The following EDF1 variants were observed in gnomAD, a reference collection of about 807,000 sequenced individuals.
The protein encoded by EDF1 is endothelial differentiation-related factor 1.
A neutral mutation model predicts 20.8 loss-of-function variants in EDF1; 5 were observed. The observed-to-expected ratio is 0.24, with a 90% CI of 0.13 to 0.51. The LOEUF (loss-of-function observed/expected upper bound fraction) is 0.51, where lower values mean the gene tolerates loss of function less well. Ranked by LOEUF, EDF1 falls within the 20% of genes least tolerant of loss-of-function variation. EDF1 has a pLI of 0.97. For synonymous variants in EDF1, 96 were observed against 78.5 expected (o/e 1.22, Z -1.18); for missense variants, 137 against 197.8 (o/e 0.69, Z 1.84).
chr9:136,863,917 T>TA lies in EDF1; in HGVS notation c.79-47dup, dbSNP rs776479365. The TA allele has an allele frequency of 1.2e-6, 2 of 1,603,378 alleles. No individual in the cohort carries two copies. Among genetic ancestry groups the TA allele is most frequent in the South Asian group, 2.2e-5 (2 of 90,882 alleles). ...AGTGGATCAAAATTAGCTTTGACAG[T>TA]ATCCAGCACACACCAATTCAGGCCT... On this transcript the variant is annotated intron_variant, in intron 1 of 4. Transcript: ENST00000224073. The surrounding 1 kb of genome is among the most constrained non-coding windows in gnomAD (Gnocchi z 4.5).
Position 136,866,229 on chromosome 9 carries a change from C to A in EDF1, c.30G>T (p.Thr10=). ...CCGTAGGGCCCTTCTTGCGCAGCAC[C>A]GTCACCGTGTCCCAGTCGCTCTCGG... The part of the protein sequence containing the change: MAESDWDTV[T]VLRKKGPTAA... The change falls in exon 1 of 5, where the codon ACG becomes ACT. Residue 10 remains threonine, a synonymous_variant. Transcript: ENST00000224073. The A allele has an allele frequency of 6.2e-7, 1 of 1,601,206 alleles. No individual in the cohort carries two copies. The highest frequency in any genetic ancestry group is 1.4e-5 in the African/African-American group (1 of 72,802).
Position 136,862,798 on chromosome 9 carries a change from G to A in EDF1, c.385+108C>T. The stretch of plus-strand genomic sequence containing the variant: ...AAGCTCCAGAATTCAGAGAACAGGG[G>A]ACCCCCAGGGCCATCTTCTTCCCCC... On this transcript the variant is annotated intron_variant, in intron 4 of 4. Transcript: ENST00000224073. This position sits in a 1 kb window ranked among gnomAD's most constrained non-coding sequence, Gnocchi z 4.1. 6.2e-7 allele frequency: 1 copy of A among 1,608,636 alleles called. No homozygotes were observed. Among genetic ancestry groups the A allele is most frequent in the Non-Finnish European group, 8.5e-7 (1 of 1,178,758 alleles).
rs1486218394 is a variant in EDF1 at position 136,862,383 on chromosome 9, G to C, written c.386-38C>G. On this transcript the variant is annotated intron_variant, in intron 4 of 4. Coordinates refer to ENST00000224073, the MANE Select transcript of EDF1 (RefSeq NM_003792.4). The surrounding 1 kb of genome is among the most constrained non-coding windows in gnomAD (Gnocchi z 4.1). ...ACAGCCACTGGCCACTGCAGCACCAGCTCCCTCCTCCCCCCAACGCTGCCC... is the reference window on the plus strand; with the variant it reads ...ACAGCCACTGGCCACTGCAGCACCACCTCCCTCCTCCCCCCAACGCTGCCC... 2 of 1,613,998 alleles carry C rather than the reference G, an allele frequency of 1.2e-6. No homozygotes were observed. The highest frequency in any genetic ancestry group is 1.7e-6 in the Non-Finnish European group (2 of 1,180,014).
chr9:136,864,959 C>T (rs1849185501), intron 1 of EDF1, among the ~76,000 whole-genome samples: 1 of 152,218 alleles, frequency 6.6e-6, no homozygotes, highest in African/African-American at 2.4e-5. Flanking sequence ...ACTTGTGGAG[C>T]ATCCTAAGTG....
intron 1 of EDF1, 151 bp downstream of exon 1, chr9:136,866,030 G>A (rs1208555818): frequency 1.4e-5 from 3 of 218,184 alleles, no homozygotes; most frequent in Non-Finnish European, 1.8e-5. Flanking sequence ...TTCGAACCCC[G>A]TCCTGCCCCC....
rs995886087 is a variant in EDF1 at position 136,863,195 on chromosome 9, G to C, written c.291+93C>G. The C allele has an allele frequency of 2.6e-6, 4 of 1,550,194 alleles. No homozygotes were observed. The highest frequency in any genetic ancestry group is 2.4e-5 in the South Asian group (2 of 84,024). ...GCATTCCCTGCAGGGGAACCAGGGG[G>C]GTGGAGCCCACCCTCCCCGTGCTAT... is the stretch of plus-strand genomic sequence containing the variant. On this transcript the variant is annotated intron_variant, in intron 3 of 4. Coordinates refer to ENST00000224073, the MANE Select transcript of EDF1 (RefSeq NM_003792.4). This position sits in a 1 kb window ranked among gnomAD's most constrained non-coding sequence, Gnocchi z 4.5.
In EDF1 at chr9:136,863,884, A is replaced by G. The variant is rs1207682776; in HGVS notation, c.79-13T>C. 1 of 1,613,750 alleles carries G rather than the reference A, an allele frequency of 6.2e-7. No individual in the cohort carries two copies. Among genetic ancestry groups the G allele is most frequent in the Middle Eastern group, 1.6e-4 (1 of 6,062 alleles). On this transcript the variant is annotated splice_polypyrimidine_tract_variant and intron_variant, in intron 1 of 4. Transcript: ENST00000224073. The surrounding 1 kb of genome is among the most constrained non-coding windows in gnomAD (Gnocchi z 4.5). ...CCGCTAAGATAGCCTAGAAAATTAGAAAACATCAGTGGATCAAAATTAGCT... is the reference window on the plus strand; with the variant it reads ...CCGCTAAGATAGCCTAGAAAATTAGGAAACATCAGTGGATCAAAATTAGCT...
intron 1 of EDF1, 62 bp downstream of exon 1, chr9:136,866,119 T>A: frequency 6.6e-7 from 1 of 1,516,582 alleles, no homozygotes; most frequent in Non-Finnish European, 8.9e-7. Context: ...TGCCCCACGG[T>A]CCGTGGCCCC....
At position 136,862,825 on chromosome 9, in the gene EDF1, A is replaced by G; in HGVS notation, c.385+81T>C. The G allele has an allele frequency of 6.2e-7, 1 of 1,611,110 alleles. No homozygotes were observed. The highest frequency in any genetic ancestry group is 8.5e-7 in the Non-Finnish European group (1 of 1,179,700). On this transcript the variant is annotated intron_variant, in intron 4 of 4. Coordinates refer to ENST00000224073, the MANE Select transcript of EDF1 (RefSeq NM_003792.4). This position sits in a 1 kb window ranked among gnomAD's most constrained non-coding sequence, Gnocchi z 4.1. ...CCCCCAGGGCCATCTTCTTCCCCCG[A>G]GTCCCACTCTCACCAACCCCAGCTG...
rs1849154403 is a variant in EDF1, at chr9:136,863,575, C to T, written c.131-127G>A. The T allele has an allele frequency of 2.3e-6, 3 of 1,277,606 alleles. No homozygotes were observed. Among genetic ancestry groups the T allele is most frequent in the African/African-American group, 3.0e-5 (2 of 66,890 alleles). The allele number at this position is 1,277,606 out of a possible 1,614,324, so 79.1% of individuals were successfully genotyped here. A position where few individuals can be genotyped will look rare whatever the true frequency, so the allele number is the denominator to read the frequency against. ...AAGGGGACATGGGAACCCAGGCTGT[C>T]CCAAGTTCACACACCTCAGGTCGTG... On this transcript the variant is annotated intron_variant, in intron 2 of 4. Transcript: ENST00000224073. This position sits in a 1 kb window ranked among gnomAD's most constrained non-coding sequence, Gnocchi z 4.5.
Position 136,862,518 on chromosome 9 carries a change from C to G in EDF1, c.386-173G>C. 6.2e-7 allele frequency: 1 copy of G among 1,609,234 alleles called. No homozygotes were observed. The highest frequency in any genetic ancestry group is 8.5e-7 in the Non-Finnish European group (1 of 1,179,686). ...ACATCTAATTTTGAAGAGGATGAGT[C>G]TGATCACCTTAGACAGCAGAGCATG... On this transcript the variant is annotated intron_variant, in intron 4 of 4. Transcript: ENST00000224073. The surrounding 1 kb of genome is among the most constrained non-coding windows in gnomAD (Gnocchi z 4.1).
In EDF1 at chr9:136,863,102, T is replaced by A. The variant is rs1849140626; in HGVS notation, c.292-103A>T. The stretch of plus-strand genomic sequence containing the variant: ...ACAGCAGCTTCTAGGGCCCCTGGGG[T>A]ACGCACCCACACGCAGCTGGGTTTT... On this transcript the variant is annotated intron_variant, in intron 3 of 4. Coordinates refer to ENST00000224073, the MANE Select transcript of EDF1 (RefSeq NM_003792.4). The surrounding 1 kb of genome is among the most constrained non-coding windows in gnomAD (Gnocchi z 4.5). 2.6e-6 allele frequency: 4 copies of A among 1,542,900 alleles called. No homozygotes were observed. In the African/African-American group the frequency reaches 5.5e-5, roughly 21 times the overall value.
intron 1 of EDF1, among the ~76,000 whole-genome samples, chr9:136,864,089 T>C (rs1283623156): frequency 6.6e-6 from 1 of 152,088 alleles, no homozygotes; most frequent in African/African-American, 2.4e-5. Context: ...GCAGGATCAC[T>C]TGAGGCCACG....
intron 1 of EDF1, among the ~76,000 whole-genome samples, 192 bp downstream of exon 1, chr9:136,865,989 G>A (rs1345464820): frequency 1.9e-5 from 1 of 52,838 alleles, no homozygotes; most frequent in African/African-American, 7.8e-5. Context: ...GTCCTGGCCC[G>A]GTCCTCCTAC....
Position 136,862,495 on chromosome 9 carries a change from A to G in EDF1, c.386-150T>C, listed in dbSNP as rs1375359801. The G allele has an allele frequency of 6.2e-6, 10 of 1,611,882 alleles. No individual in the cohort carries two copies. Among genetic ancestry groups the G allele is most frequent in the East Asian group, 2.2e-5 (1 of 44,876 alleles). ...GCACACGAGCACTCCTGGTTCCCACATCTAATTTTGAAGAGGATGAGTCTG... is the reference window on the plus strand; with the variant it reads ...GCACACGAGCACTCCTGGTTCCCACGTCTAATTTTGAAGAGGATGAGTCTG... On this transcript the variant is annotated intron_variant, in intron 4 of 4. Transcript: ENST00000224073. This position sits in a 1 kb window ranked among gnomAD's most constrained non-coding sequence, Gnocchi z 4.1.
At position 136,866,246 on chromosome 9, in the gene EDF1, C is replaced by A. The variant is rs1316468354; in HGVS notation, c.13G>T (p.Asp5Tyr). MAES[D>Y]WDTVTVLRKK... is the part of the protein sequence containing the mutation. ...CGCAGCACCGTCACCGTGTCCCAGTCGCTCTCGGCCATGGCGGGCGAAGAC... is the reference window on the plus strand; with the variant it reads ...CGCAGCACCGTCACCGTGTCCCAGTAGCTCTCGGCCATGGCGGGCGAAGAC... Residue 5 changes from aspartate (D) to tyrosine (Y), a missense_variant, in exon 1 of 5, where the codon GAC becomes TAC. By Grantham distance (160) the Asp-to-Tyr change is radical. Transcript: ENST00000224073. 2 of 1,599,250 alleles carry A rather than the reference C, an allele frequency of 1.3e-6. No homozygotes were observed. The highest frequency in any genetic ancestry group is 1.7e-6 in the Non-Finnish European group (2 of 1,175,118).
rs746580622 is a variant in EDF1, at chr9:136,862,907, A to G, written c.384T>C (p.Ile128=). 4.1e-5 allele frequency: 66 copies of G among 1,613,314 alleles called. No homozygotes were observed. The highest frequency in any genetic ancestry group is 5.5e-5 in the Non-Finnish European group (65 of 1,179,994). Residue 128 remains isoleucine (I), a splice_region_variant and synonymous_variant, in exon 4 of 5, where the codon ATT becomes ATC. Coordinates refer to ENST00000224073, the MANE Select transcript of EDF1 (RefSeq NM_003792.4). The surrounding 1 kb of genome is among the most constrained non-coding windows in gnomAD (Gnocchi z 4.1). ...GGCGAAGGGTGGAGGGACACTCACCAATGGCCCGCTCGATTTTGCCAAGCA... is the reference window on the plus strand; with the variant it reads ...GGCGAAGGGTGGAGGGACACTCACCGATGGCCCGCTCGATTTTGCCAAGCA... ...NQVLGKIERA[I]GLKLRGKDIG...
At position 136,862,991 on chromosome 9, in the gene EDF1, A is replaced by G. The variant is rs370764238; in HGVS notation, c.300T>C (p.Asn100=). ...LTQKDLATKI[N]EKPQVIADYE... is the part of the protein sequence containing the mutation. ...AGTCCGCGATCACCTGTGGCTTCTCATTGATTTTCTAAAGAGAAGATGTGC... is the reference window on the plus strand; with the variant it reads ...AGTCCGCGATCACCTGTGGCTTCTCGTTGATTTTCTAAAGAGAAGATGTGC... Residue 100 remains asparagine, a synonymous_variant, in exon 4 of 5, where the codon AAT becomes AAC. Coordinates refer to ENST00000224073, the MANE Select transcript of EDF1 (RefSeq NM_003792.4). The surrounding 1 kb of genome is among the most constrained non-coding windows in gnomAD (Gnocchi z 4.1). 15 of 1,613,420 alleles carry G rather than the reference A, an allele frequency of 9.3e-6. No individual in the cohort carries two copies. In the African/African-American group the frequency reaches 1.6e-4, roughly 17 times the overall value.
Position 136,862,348 on chromosome 9 carries a change from G to A in EDF1, c.386-3C>T. 1 of 1,613,980 alleles carries A rather than the reference G, an allele frequency of 6.2e-7. No homozygotes were observed. Among genetic ancestry groups the A allele is most frequent in the African/African-American group, 1.3e-5 (1 of 75,016 alleles). ...GTCCTTTCCCCGGAGCTTGAGGCCT[G>A]AAATGAGCCACAGCCACTGGCCACT... is the stretch of plus-strand genomic sequence containing the variant. On this transcript the variant is annotated splice_region_variant and splice_polypyrimidine_tract_variant and intron_variant, in intron 4 of 4. Coordinates refer to ENST00000224073, the MANE Select transcript of EDF1 (RefSeq NM_003792.4). This position sits in a 1 kb window ranked among gnomAD's most constrained non-coding sequence, Gnocchi z 4.1.
Sources: gnomAD v4.1 joint callset for allele counts (sites outside exome capture counted in the v4.1 genomes callset) on GRCh38, gnomAD v4.1.1 for gene constraint, Gnocchi (gnomAD v3.1) non-coding constraint, MANE v1.5 for transcripts, NCBI Gene and HGNC (gene_info 2026-07-23, HGNC 2026-07-21) for gene names.